Variants in FANK1 observed in about 807,000 individuals in gnomAD.
FANK1 encodes fibronectin type III and ankyrin repeat domains 1.
Under a neutral mutation model 45.3 loss-of-function variants are expected in FANK1, and 44 were observed. The observed-to-expected ratio is 0.97, with a 90% CI of 0.76 to 1.25. FANK1 has a LOEUF of 1.25. FANK1 is among the 50% of genes most tolerant of loss of function. The pLI, the probability that FANK1 is intolerant of heterozygous loss-of-function variation, is 0.00. For synonymous variants in FANK1, 149 were observed against 152.5 expected (o/e 0.98, Z 0.17); for missense variants, 391 against 424.4 (o/e 0.92, Z 0.69).
chr10:125,935,109 G>A (rs1224939693), intron 1 of FANK1, among the ~76,000 whole-genome samples: 1 of 152,120 alleles, frequency 6.6e-6, no homozygotes, highest in Non-Finnish European at 1.5e-5. Context: ...CTCCTACTCT[G>A]ATAGAGACAC....
chr10:125,981,905 A>G (rs1951245507), intron 2 of FANK1, among the ~76,000 whole-genome samples: 1 of 152,236 alleles, frequency 6.6e-6, no homozygotes, highest in Non-Finnish European at 1.5e-5. Context: ...GTGTATAAAT[A>G]TCTATAAATA....
At chr10:125,978,256 G>A (rs1950975082) in intron 1 of FANK1, among the ~76,000 whole-genome samples, 1 of 152,116 alleles carries the variant, frequency 6.6e-6, no homozygotes, top group Admixed American at 6.5e-5. Context: ...CCTGTAGGAA[G>A]TGACTGGAGA....
intron 1 of FANK1, among the ~76,000 whole-genome samples, chr10:125,910,087 C>T (rs1444610135): frequency 1.3e-5 from 2 of 151,154 alleles, no homozygotes; most frequent in African/African-American, 4.9e-5. Flanking sequence ...ATAATATTAC[C>T]AATTACTTTA....
chr10:125,936,817 G>A (rs1392202285), intron 1 of FANK1, among the ~76,000 whole-genome samples: 2 of 151,940 alleles, frequency 1.3e-5, no homozygotes, highest in East Asian at 1.9e-4. Flanking sequence ...TCTGTAATCC[G>A]AGCACTTAGG....
intron 1 of FANK1, among the ~76,000 whole-genome samples, chr10:125,964,186 CTTTTTTTTTTT>C (rs71486557): frequency 7.7e-5 from 6 of 78,392 alleles, no homozygotes; most frequent in African/African-American, 1.1e-4. Context: ...TTCTCTCTCT[CTTTTTTTTTTT>C]TTTTTTTTTT....
At chr10:125,964,330 C>A (rs1270060410) in intron 1 of FANK1, among the ~76,000 whole-genome samples, 3 of 151,494 alleles carry the variant, frequency 2.0e-5, no homozygotes, top group Non-Finnish European at 4.4e-5. Flanking sequence ...GTAGCTCAGA[C>A]CACAGGTGTG....
intron 2 of FANK1, among the ~76,000 whole-genome samples, chr10:125,986,592 C>A (rs1191321062): frequency 6.6e-6 from 1 of 152,168 alleles, no homozygotes; most frequent in Non-Finnish European, 1.5e-5. Flanking sequence ...CCATGACTTT[C>A]CCAGGTGTTG....
chr10:126,002,630 T>A (rs1239687195), intron 6 of FANK1, among the ~76,000 whole-genome samples: 3 of 152,180 alleles, frequency 2.0e-5, no homozygotes, highest in South Asian at 2.1e-4. Context: ...ATTGAGAAGA[T>A]CTTCTGTTTT....
chr10:125,979,028 G>GGT (rs1171045601), intron 1 of FANK1, among the ~76,000 whole-genome samples: 2 of 152,224 alleles, frequency 1.3e-5, no homozygotes, highest in Admixed American at 6.5e-5. Flanking sequence ...TGAAGGCACT[G>GGT]GTAGAGAGGG....
chr10:125,959,960 A>G lies in FANK1; in HGVS notation c.14-20201A>G, dbSNP rs140158973. ...CATATAAAGCACTTCACCAAAAACA[A>G]ACAAACAAAAAACCCATACTGTTAT... On this transcript the variant is annotated intron_variant, in intron 1 of 10. Transcript: ENST00000368693. 2.6e-5 allele frequency among the ~76,000 whole-genome samples: 4 copies of G among 152,336 alleles called. No individual in the cohort carries two copies. In the East Asian group the frequency reaches 7.7e-4, roughly 29 times the overall value.
At position 126,009,517 on chromosome 10, in the gene FANK1, A is replaced by G. The variant is rs1953510306; in HGVS notation, c.*79A>G. ...TTAAACTAGGGATGGGAAATTCTGC[A>G]TCTTGGGGGGCTGTACATTTATTTA... On this transcript the variant is annotated 3_prime_UTR_variant, in exon 11 of 11. Coordinates refer to ENST00000368693, the MANE Select transcript of FANK1 (RefSeq NM_145235.5). The G allele has an allele frequency of 5.6e-6, 8 of 1,440,988 alleles. No individual in the cohort carries two copies. Among genetic ancestry groups the G allele is most frequent in the Admixed American group, 1.8e-5 (1 of 54,534 alleles). 89.3% of individuals were successfully genotyped at this position (1,440,988 alleles called of 1,614,324 possible).
At chr10:125,913,285 C>T (rs889995803) in intron 1 of FANK1, among the ~76,000 whole-genome samples, 32 of 152,050 alleles carry the variant, frequency 2.1e-4, no homozygotes, top group African/African-American at 7.7e-4. Flanking sequence ...CGCTGCATGA[C>T]ACCCAAACTC....
intron 1 of FANK1, among the ~76,000 whole-genome samples, chr10:125,963,809 G>A (rs1950059577): frequency 6.6e-6 from 1 of 152,064 alleles, no homozygotes; most frequent in South Asian, 2.1e-4. Context: ...GAGATAATGG[G>A]TGCAGCACAC....
At chr10:125,930,633 G>T (rs1294809226) in intron 1 of FANK1, among the ~76,000 whole-genome samples, 1 of 151,976 alleles carries the variant, frequency 6.6e-6, no homozygotes, top group Non-Finnish European at 1.5e-5. Flanking sequence ...CACCGCACCT[G>T]GCCCATCTTC....
chr10:125,916,946 G>A (rs1272535118), intron 1 of FANK1, among the ~76,000 whole-genome samples: 5 of 152,184 alleles, frequency 3.3e-5, no homozygotes, highest in African/African-American at 7.2e-5. Context: ...ACGCTGAATC[G>A]AATCTGAATG....
chr10:125,912,485 TG>T (rs1946103815), intron 1 of FANK1, among the ~76,000 whole-genome samples: 1 of 147,492 alleles, frequency 6.8e-6, no homozygotes, highest in South Asian at 2.2e-4. Flanking sequence ...TGTGTGTGTG[TG>T]TTTTTGAGAT....
At position 125,943,620 on chromosome 10, in the gene FANK1, TTGAA is replaced by T. The variant is rs1215382952; in HGVS notation, c.14-36536_14-36533del. The stretch of plus-strand genomic sequence containing the variant: ...CCGTTTGTGCAATGTTTATTAAATT[TTGAA>T]TGAACTCTCTATTCATGCTCAGGTG... On this transcript the variant is annotated intron_variant, in intron 1 of 10. Coordinates refer to ENST00000368693, the MANE Select transcript of FANK1 (RefSeq NM_145235.5). Among the ~76,000 whole-genome samples, 7 of 152,354 alleles carry T rather than the reference TTGAA, an allele frequency of 4.6e-5. No homozygotes were observed. In the South Asian group the frequency reaches 1.4e-3, roughly 32 times the overall value.
rs1262840002 is a variant in FANK1, at chr10:125,912,443, AGTGTGTGTGTGTG to A, written c.13+15789_13+15801del. 4.6e-3 allele frequency among the ~76,000 whole-genome samples: 674 copies of A among 147,300 alleles called. 3 individuals are homozygous for A. Among genetic ancestry groups the A allele is most frequent in the African/African-American group, 0.016 (620 of 39,958 alleles). On this transcript the variant is annotated intron_variant, in intron 1 of 10. Coordinates refer to ENST00000368693, the MANE Select transcript of FANK1 (RefSeq NM_145235.5). Reference sequence around the variant, plus strand: ...GTTTCCTTTTTATTGGCACCACCAAAGTGTGTGTGTGTGTGTGTGTGTGTGTGTGTGTGTGTGT... The same window carrying A: ...GTTTCCTTTTTATTGGCACCACCAAATGTGTGTGTGTGTGTGTGTGTGTGT...
intron 1 of FANK1, among the ~76,000 whole-genome samples, chr10:125,903,978 TAGCTGGGACCACAGAATGTGATCCCAC>T (rs945396850): frequency 2.0e-5 from 3 of 152,120 alleles, no homozygotes; most frequent in South Asian, 2.1e-4. Flanking sequence ...GCCTCCCGCG[TAGCTGGGACCACAGAATGTGATCCCAC>T]AGCTGTGACC....
Sources: gnomAD v4.1 joint callset for allele counts (sites outside exome capture counted in the v4.1 genomes callset) on GRCh38, gnomAD v4.1.1 for gene constraint, MANE v1.5 for transcripts, NCBI Gene and HGNC (gene_info 2026-07-23, HGNC 2026-07-21) for gene names.